The following PRR20G variants were observed in gnomAD, a reference collection of about 807,000 sequenced individuals.
PRR20G encodes the protein proline rich 20G.
chr3:127,286,729 G>A (rs1276543434), intron 2 of PRR20G, among the ~76,000 whole-genome samples: 1 of 152,236 alleles, frequency 6.6e-6, no homozygotes, highest in African/African-American at 2.4e-5. Flanking sequence ...GCAGCTGGGA[G>A]GTGACTCAGA....
chr3:127,286,696 T>C (rs553543536), intron 2 of PRR20G, among the ~76,000 whole-genome samples: 162 of 152,220 alleles, frequency 1.1e-3, no homozygotes, highest in African/African-American at 3.6e-3. Flanking sequence ...TCCCAGATGA[T>C]GTGGAAGGGA....
intron 2 of PRR20G, among the ~76,000 whole-genome samples, chr3:127,285,896 A>G (rs2107702164): frequency 6.6e-6 from 1 of 152,346 alleles, no homozygotes; most frequent in Middle Eastern, 3.4e-3. Context: ...CCAGAGAGAT[A>G]GAAGGAATTA....
At chr3:127,287,065 A>T (rs1284661255) in intron 2 of PRR20G, among the ~76,000 whole-genome samples, 2 of 152,154 alleles carry the variant, frequency 1.3e-5, no homozygotes, top group African/African-American at 4.8e-5. Context: ...AAGACCATAA[A>T]TAAAGTCTAA....
chr3:127,285,093 T>C (rs1294363995), intron 2 of PRR20G, among the ~76,000 whole-genome samples: 4 of 152,194 alleles, frequency 2.6e-5, no homozygotes, highest in Admixed American at 1.3e-4. Context: ...TGGCGTTGTA[T>C]TCCCAGGCAG....
In PRR20G at chr3:127,284,590, CT is replaced by C. The variant is rs1273687563; in HGVS notation, c.102del (p.Asp35ThrfsTer3). ...TEPGCSGVDREDPVDPVQPAK... is the reference protein window; with the variant it reads ...TEPGCSGVDRXDPVDPVQPAK... The stretch of plus-strand genomic sequence containing the variant: ...GCCGGTTGGACTGGGTCTACAGGGT[CT>C]TCACGGTCCACACCAGAGCAGCCTG... On this transcript the variant is annotated frameshift_variant, in exon 3 of 3. Coordinates refer to ENST00000465482, the MANE Select transcript of PRR20G (RefSeq NM_001362810.2). LOFTEE classifies it low-confidence loss of function (END_TRUNC). The C allele has an allele frequency of 6.4e-6, 1 of 156,934 alleles. No individual in the cohort carries two copies. Among genetic ancestry groups the C allele is most frequent in the African/African-American group, 2.4e-5 (1 of 41,476 alleles). 9.7% of individuals were successfully genotyped at this position (156,934 alleles called of 1,614,324 possible). A position where few individuals can be genotyped will look rare whatever the true frequency, so the allele number is the denominator to read the frequency against.
Position 127,286,280 on chromosome 3 carries a change from A to C in PRR20G, c.52+1034T>G, listed in dbSNP as rs150683368. Among the ~76,000 whole-genome samples the C allele has an allele frequency of 4.6e-3, 695 of 152,330 alleles. 4 individuals are homozygous for C. The highest frequency in any genetic ancestry group is 0.016 in the African/African-American group (660 of 41,570). ...CTCAAAAGCAGCAATTAAATCTAGA[A>C]GATTATAGAAAATGCCTTCAAAATT... On this transcript the variant is annotated intron_variant, in intron 2 of 2. Transcript: ENST00000465482.
chr3:127,285,855 G>A (rs939119696), intron 2 of PRR20G, among the ~76,000 whole-genome samples: 1 of 152,152 alleles, frequency 6.6e-6, no homozygotes, highest in Non-Finnish European at 1.5e-5. Context: ...CCACAGATGA[G>A]ACTTTCCAAA....
intron 2 of PRR20G, among the ~76,000 whole-genome samples, chr3:127,285,661 T>A (rs2080383660): frequency 6.6e-6 from 1 of 152,020 alleles, no homozygotes; most frequent in Non-Finnish European, 1.5e-5. Context: ...CCCAACCATA[T>A]CTATTCTGTG....
intron 2 of PRR20G, among the ~76,000 whole-genome samples, chr3:127,286,752 G>A (rs1253420593): frequency 3.3e-5 from 5 of 152,236 alleles, no homozygotes; most frequent in Non-Finnish European, 5.9e-5. Flanking sequence ...AGCCAGTCCC[G>A]GTTGGAGCAG....
rs1227357713 is a variant in PRR20G, at chr3:127,288,024, C to T, written c.-153G>A. On this transcript the variant is annotated 5_prime_UTR_variant, in exon 1 of 3. Transcript: ENST00000465482. Reference sequence around the variant, plus strand: ...GAGGGAGCACCCAGCAGTCCTAGTTCGGAGCCCGGCAGAAAGCTGACTGCT... The same window carrying T: ...GAGGGAGCACCCAGCAGTCCTAGTTTGGAGCCCGGCAGAAAGCTGACTGCT... Among the ~76,000 whole-genome samples the T allele has an allele frequency of 1.3e-5, 2 of 152,132 alleles. No individual in the cohort carries two copies. Among genetic ancestry groups the T allele is most frequent in the East Asian group, 1.9e-4 (1 of 5,164 alleles).
rs946360725 is a variant in PRR20G at position 127,285,517 on chromosome 3, G to A, written c.53-877C>T. Reference sequence around the variant, plus strand: ...GAACAGAACAGGAAGTCCGAAACTAGACAAACGTCTACAGAAATTTTATCA... The same window carrying A: ...GAACAGAACAGGAAGTCCGAAACTAAACAAACGTCTACAGAAATTTTATCA... On this transcript the variant is annotated intron_variant, in intron 2 of 2. Transcript: ENST00000465482. 2.6e-5 allele frequency among the ~76,000 whole-genome samples: 4 copies of A among 152,170 alleles called. No homozygotes were observed. In the South Asian group the frequency reaches 8.3e-4, roughly 32 times the overall value.
chr3:127,284,698 GA>G, intron 2 of PRR20G, 58 bp from the exon 3 acceptor site: 1 of 153,566 alleles, frequency 6.5e-6, no homozygotes, highest in Non-Finnish European at 1.5e-5. Flanking sequence ...AAGCCTTCAG[GA>G]AGGGAGACCA....
At chr3:127,287,623 G>A (rs968648863) in intron 1 of PRR20G, among the ~76,000 whole-genome samples, 1 of 152,212 alleles carries the variant, frequency 6.6e-6, no homozygotes, top group African/African-American at 2.4e-5. Flanking sequence ...AGCAAGCGGG[G>A]ATTGGCCTAG....
chr3:127,285,877 T>C (rs191037821), intron 2 of PRR20G, among the ~76,000 whole-genome samples: 29 of 152,270 alleles, frequency 1.9e-4, no homozygotes, highest in Admixed American at 1.1e-3. Flanking sequence ...ACATCTATAA[T>C]TAATATCCCC....
chr3:127,284,454 C>G lies in PRR20G; in HGVS notation c.239G>C (p.Arg80Pro), dbSNP rs779739502. 1 of 154,034 alleles carries G rather than the reference C, an allele frequency of 6.5e-6. No homozygotes were observed. The highest frequency in any genetic ancestry group is 2.4e-5 in the African/African-American group (1 of 41,472). The allele number at this position is 154,034 out of a possible 1,614,324, so 9.5% of individuals were successfully genotyped here. A position where few individuals can be genotyped will look rare whatever the true frequency, so the allele number is the denominator to read the frequency against. Reference sequence around the variant, plus strand: ...AAGCCCAGCCCCACTGCCGCGGCCTCGACCTGCCCGCCAGCTTCCTCCCCC... The same window carrying G: ...AAGCCCAGCCCCACTGCCGCGGCCTGGACCTGCCCGCCAGCTTCCTCCCCC... ...QRGGGSWRAG[R>P]GRGSGAGLLR... is the part of the protein sequence containing the mutation. Residue 80 changes from arginine (R) to proline (P), a missense_variant, in exon 3 of 3, where the codon CGA becomes CCA. Arg to Pro is a moderately radical substitution (Grantham distance 103). Transcript: ENST00000465482.
At chr3:127,284,878 T>G (rs1343933217) in intron 2 of PRR20G, among the ~76,000 whole-genome samples, 2 of 152,350 alleles carry the variant, frequency 1.3e-5, no homozygotes, top group Admixed American at 6.5e-5. Flanking sequence ...TCAGATATTA[T>G]GATTGCCATT....
intron 2 of PRR20G, among the ~76,000 whole-genome samples, chr3:127,286,664 A>G (rs975599703): frequency 2.0e-5 from 3 of 152,246 alleles, no homozygotes; most frequent in Non-Finnish European, 4.4e-5. Flanking sequence ...ATGGGTTAAA[A>G]TTCAAAAGAG....
At chr3:127,287,026 A>C (rs2080391096) in intron 2 of PRR20G, among the ~76,000 whole-genome samples, 1 of 152,062 alleles carries the variant, frequency 6.6e-6, no homozygotes, top group Non-Finnish European at 1.5e-5. Context: ...TCTGTGAACT[A>C]CAGCTAAATA....
Position 127,287,972 on chromosome 3 carries a change from C to T in PRR20G, c.-101G>A, listed in dbSNP as rs978663661. On this transcript the variant is annotated 5_prime_UTR_variant, in exon 1 of 3. Transcript: ENST00000465482. ...ACGGCTATGGCTCCGACGTCGCCCTCAAATGCGCCCCCTACCAGGCAGGTA... is the reference window on the plus strand; with the variant it reads ...ACGGCTATGGCTCCGACGTCGCCCTTAAATGCGCCCCCTACCAGGCAGGTA... Among the ~76,000 whole-genome samples the T allele has an allele frequency of 1.3e-5, 2 of 152,142 alleles. No homozygotes were observed. The highest frequency in any genetic ancestry group is 2.9e-5 in the Non-Finnish European group (2 of 68,010).
Sources: gnomAD v4.1 joint callset for allele counts (sites outside exome capture counted in the v4.1 genomes callset) on GRCh38, gnomAD v4.1.1 for gene constraint, MANE v1.5 for transcripts, NCBI Gene and HGNC (gene_info 2026-07-23, HGNC 2026-07-21) for gene names.